The following WDPCP variants were observed in gnomAD, a reference collection of about 807,000 sequenced individuals.
WDPCP encodes WD repeat containing planar cell polarity effector.
WDPCP carries 71 observed loss-of-function variants against 93.1 expected under a neutral mutation model. The observed-to-expected ratio is 0.76, with a 90% CI of 0.63 to 0.93. The LOEUF (loss-of-function observed/expected upper bound fraction) is 0.93. Ranked by LOEUF, WDPCP falls within the 40% of genes least tolerant of loss-of-function variation. The pLI is 0.00. For synonymous variants in WDPCP, 315 were observed against 315.0 expected (o/e 1.00, Z 0.00); for missense variants, 844 against 887.4 (o/e 0.95, Z 0.62).
At chr2:63,161,199 G>T (rs1316481300) in intron 15 of WDPCP, among the ~76,000 whole-genome samples, 1 of 152,190 alleles carries the variant, frequency 6.6e-6, no homozygotes, top group Non-Finnish European at 1.5e-5. Flanking sequence ...ATCTGCAGAA[G>T]GCAGTTCAGT....
intron 1 of WDPCP, among the ~76,000 whole-genome samples, chr2:63,570,398 C>A (rs1707395804): frequency 2.0e-5 from 3 of 152,170 alleles, no homozygotes; most frequent in Admixed American, 2.0e-4. Context: ...TTTCTATCCT[C>A]CCCTTAACCT....
intron 12 of WDPCP, among the ~76,000 whole-genome samples, chr2:63,370,826 TTGAC>T (rs1691315267): frequency 6.6e-6 from 1 of 152,126 alleles, no homozygotes; most frequent in Non-Finnish European, 1.5e-5. Context: ...TTTTTTCTGT[TTGAC>T]TAATCTTGTC....
chr2:63,756,231 T>A (rs1669966423), intron 2 of WDPCP, among the ~76,000 whole-genome samples: 1 of 152,236 alleles, frequency 6.6e-6, no homozygotes, highest in South Asian at 2.1e-4. Flanking sequence ...ATAGTATATA[T>A]TCATTCTTTT....
intron 2 of WDPCP, among the ~76,000 whole-genome samples, chr2:63,699,526 C>T (rs145249386): frequency 2.0e-4 from 30 of 152,212 alleles, no homozygotes; most frequent in African/African-American, 7.0e-4. Context: ...GTTTTTGAGG[C>T]GCTGGCCTTT....
At chr2:63,571,323 CTT>C in intron 1 of WDPCP, 1 of 448,250 alleles carries the variant, frequency 2.2e-6, no homozygotes, top group Non-Finnish European at 4.4e-6. Context: ...AATTTTTAAA[CTT>C]AGTCATTTTT....
intron 13 of WDPCP, among the ~76,000 whole-genome samples, chr2:63,280,421 C>T (rs1683445046): frequency 6.6e-6 from 1 of 152,146 alleles, no homozygotes; most frequent in Non-Finnish European, 1.5e-5. Context: ...ATTACCTCCC[C>T]ATGGGTCCCT....
At chr2:63,830,073 T>C (rs1671170732), upstream of WDPCP, among the ~76,000 whole-genome samples, 1 of 152,148 alleles carries the variant, frequency 6.6e-6, no homozygotes, top group South Asian at 2.1e-4. Context: ...AAGATTCTAT[T>C]TCTTCTGTCT....
At chr2:63,825,044 C>A (rs552654572) in intron 1 of WDPCP, among the ~76,000 whole-genome samples, 4 of 152,038 alleles carry the variant, frequency 2.6e-5, no homozygotes, top group Non-Finnish European at 4.4e-5. Context: ...ATCTTTAAGA[C>A]CTTAATAAAT....
At chr2:63,575,532 A>G (rs1298020771) in intron 1 of WDPCP, among the ~76,000 whole-genome samples, 1 of 143,896 alleles carries the variant, frequency 6.9e-6, no homozygotes, top group East Asian at 2.1e-4. Flanking sequence ...TATACAGTAT[A>G]TACACTGTAT....
chr2:63,158,314 G>A (rs1247370903), intron 15 of WDPCP, among the ~76,000 whole-genome samples: 1 of 152,054 alleles, frequency 6.6e-6, no homozygotes, highest in African/African-American at 2.4e-5. Flanking sequence ...TGTTGAGAAA[G>A]GACTGATGCA....
At chr2:63,492,803 A>G in intron 2 of WDPCP, 53 bp downstream of exon 2, 1 of 1,516,156 alleles carries the variant, frequency 6.6e-7, no homozygotes, top group South Asian at 1.1e-5. Context: ...GTACTTATTT[A>G]TAATGGTGTA....
intron 1 of WDPCP, among the ~76,000 whole-genome samples, chr2:63,532,431 G>A (rs1703929560): frequency 6.6e-6 from 1 of 152,134 alleles, no homozygotes; most frequent in South Asian, 2.1e-4. Context: ...AGGTTGAAAT[G>A]AAGGAATATG....
At chr2:63,680,939 G>A (rs1450631822) in intron 2 of WDPCP, among the ~76,000 whole-genome samples, 5 of 152,012 alleles carry the variant, frequency 3.3e-5, no homozygotes, top group African/African-American at 1.2e-4. Context: ...ACACACACTG[G>A]GCCAGAAGGG....
chr2:63,709,503 C>T (rs1320506745), intron 2 of WDPCP, among the ~76,000 whole-genome samples: 1 of 152,132 alleles, frequency 6.6e-6, no homozygotes, highest in Non-Finnish European at 1.5e-5. Context: ...TAAATAGAAT[C>T]AATTTCAAGC....
At chr2:63,622,287 T>G (rs1051606613) in intron 3 of WDPCP, 6 of 1,605,670 alleles carry the variant, frequency 3.7e-6, no homozygotes, top group Non-Finnish European at 5.1e-6. Flanking sequence ...CTTGGCTTCC[T>G]TGGCTGTCTC....
chr2:63,218,098 T>C (rs1379707497), intron 14 of WDPCP, among the ~76,000 whole-genome samples: 1 of 152,198 alleles, frequency 6.6e-6, no homozygotes, highest in Non-Finnish European at 1.5e-5. Flanking sequence ...TAATTTATGG[T>C]AAATGGATTA....
intron 2 of WDPCP, among the ~76,000 whole-genome samples, chr2:63,491,603 T>A (rs2028886): frequency 0.26 from 39,762 of 152,100 alleles, 5,975 homozygotes; most frequent in East Asian, 0.66. Flanking sequence ...TATGTAGGCT[T>A]CCTTCCATTT....
intron 1 of WDPCP, among the ~76,000 whole-genome samples, chr2:63,523,938 A>G (rs1703130295): frequency 6.6e-6 from 1 of 152,092 alleles, no homozygotes; most frequent in Non-Finnish European, 1.5e-5. Flanking sequence ...AAAGCAATGT[A>G]TAAAAATCAG....
At chr2:63,778,566 C>T (rs1358836424) in intron 2 of WDPCP, among the ~76,000 whole-genome samples, 1 of 152,126 alleles carries the variant, frequency 6.6e-6, no homozygotes, top group Non-Finnish European at 1.5e-5. Flanking sequence ...AATGTCTCGA[C>T]CTCTGAGATG....
Sources: gnomAD v4.1 joint callset for allele counts (sites outside exome capture counted in the v4.1 genomes callset) on GRCh38, gnomAD v4.1.1 for gene constraint, MANE v1.5 for transcripts, NCBI Gene and HGNC (gene_info 2026-07-23, HGNC 2026-07-21) for gene names.